Variants in ZNF675 observed in about 807,000 individuals in gnomAD.
ZNF675 encodes zinc finger protein 675, also known as TRAF6 inhibitory zinc finger.
ZNF675 carries 36 observed loss-of-function variants against 56.1 expected under a neutral mutation model. That is an observed-to-expected ratio of 0.64 (90% CI 0.49 to 0.85). The LOEUF (loss-of-function observed/expected upper bound fraction) is 0.85, where lower values mean the gene tolerates loss of function less well. ZNF675 is among the 40% of genes least tolerant of loss of function. ZNF675 has a pLI of 0.00. For missense variants in ZNF675, 663 were observed against 654.2 expected, an observed-to-expected ratio of 1.01 and a Z score of -0.15; for synonymous variants, 200 against 218.9, an observed-to-expected ratio of 0.91 and a Z score of 0.76.
chr19:23,677,990 CATGCCTGCAA>C (rs1315549138), intron 1 of ZNF675, among the ~76,000 whole-genome samples: 1 of 151,480 alleles, frequency 6.6e-6, no homozygotes, highest in East Asian at 1.9e-4. Context: ...GGTGGTGGTG[CATGCCTGCAA>C]TCCCAGCTAC....
chr19:23,656,279 A>C (rs1568288200), intron 3 of ZNF675: 2 of 152,224 alleles, frequency 1.3e-5, no homozygotes, highest in Non-Finnish European at 2.9e-5. Flanking sequence ...ATGCAACCAA[A>C]AGTGGTGAAC....
chr19:23,661,843 T>A (rs1218080234), intron 3 of ZNF675: 1 of 264,978 alleles, frequency 3.8e-6, no homozygotes, highest in East Asian at 7.4e-5. Flanking sequence ...AGGATTCAGA[T>A]TGCACAGTCT....
At chr19:23,668,784 A>C (rs1968189621) in intron 1 of ZNF675, among the ~76,000 whole-genome samples, 1 of 152,142 alleles carries the variant, frequency 6.6e-6, no homozygotes, top group Non-Finnish European at 1.5e-5. Flanking sequence ...TAAGTCCCTC[A>C]TTGCCCGGGG....
intron 1 of ZNF675, among the ~76,000 whole-genome samples, chr19:23,664,357 A>G (rs1051861486): frequency 6.6e-6 from 1 of 152,026 alleles, no homozygotes; most frequent in Non-Finnish European, 1.5e-5. Flanking sequence ...CAAGACTCAC[A>G]GAAAAAGTCC....
At chr19:23,685,265 GGTTA>G in intron 1 of ZNF675, among the ~76,000 whole-genome samples, 1 of 152,082 alleles carries the variant, frequency 6.6e-6, no homozygotes, top group East Asian at 1.9e-4. Flanking sequence ...TGCACGCAAG[GGTTA>G]GTTTTTCAAA....
chr19:23,679,515 A>G (rs930362347), intron 1 of ZNF675, among the ~76,000 whole-genome samples: 16 of 151,754 alleles, frequency 1.1e-4, no homozygotes, highest in Admixed American at 3.3e-4. Context: ...CAATTGCAAC[A>G]AATTGACAAA....
chr19:23,686,907 A>C, intron 1 of ZNF675, 124 bp downstream of exon 1: 3 of 1,207,278 alleles, frequency 2.5e-6, no homozygotes, highest in Admixed American at 1.7e-5. Context: ...GAGCTGGGGA[A>C]GGAGAACTCG....
rs917243013 is a variant in ZNF675, at chr19:23,671,885, C to G, written c.4-8727G>C. Among the ~76,000 whole-genome samples the G allele has an allele frequency of 1.2e-4, 18 of 152,066 alleles. 1 individual carries two copies. Among genetic ancestry groups the G allele is most frequent in the African/African-American group, 4.3e-4 (18 of 41,390 alleles). On this transcript the variant is annotated intron_variant, in intron 1 of 3. Transcript: ENST00000359788. Reference sequence around the variant, plus strand: ...GAGAAACTCTCATCTGAGTACCAACCAAAGACATCTCTTGCATGGGGGTAG... The same window carrying G: ...GAGAAACTCTCATCTGAGTACCAACGAAAGACATCTCTTGCATGGGGGTAG...
chr19:23,669,363 T>C (rs955913150), intron 1 of ZNF675, among the ~76,000 whole-genome samples: 6 of 152,192 alleles, frequency 3.9e-5, no homozygotes, highest in African/African-American at 1.4e-4. Flanking sequence ...TTTCTTATGC[T>C]AAATTCTTCC....
Position 23,653,878 on chromosome 19 carries a change from G to A in ZNF675, c.1055C>T (p.Ser352Phe). The change falls in exon 4 of 4, where the codon TCC (serine) becomes TTC (phenylalanine). Residue 352 changes from serine (S) to phenylalanine (F), a missense_variant. Transcript: ENST00000359788. ...GTTTTTATGTTCAGTAAGTTTTGAGGATCGGTTAAAAGCTTTTCCACATTC... is the reference window on the plus strand; with the variant it reads ...GTTTTTATGTTCAGTAAGTTTTGAGAATCGGTTAAAAGCTTTTCCACATTC... ...CEECGKAFNR[S>F]SKLTEHKNIH... 6.2e-7 allele frequency: 1 copy of A among 1,613,638 alleles called. No individual in the cohort carries two copies. The highest frequency in any genetic ancestry group is 2.2e-5 in the East Asian group (1 of 44,854).
chr19:23,679,635 C>A (rs997034044), intron 1 of ZNF675, among the ~76,000 whole-genome samples: 22 of 149,630 alleles, frequency 1.5e-4, no homozygotes, highest in Non-Finnish European at 2.8e-4. Flanking sequence ...GGTCTAATAT[C>A]CAGAATCCAT....
rs1968268961 is a variant in ZNF675 at position 23,674,409 on chromosome 19, G to T, written c.4-11251C>A. Reference sequence around the variant, plus strand: ...TGTAATCCCAGCACTTTGGGAGGCTGAGGCAGGCGGATCACCTGAGGTCAG... The same window carrying T: ...TGTAATCCCAGCACTTTGGGAGGCTTAGGCAGGCGGATCACCTGAGGTCAG... On this transcript the variant is annotated intron_variant, in intron 1 of 3. Transcript: ENST00000359788. 1.3e-5 allele frequency among the ~76,000 whole-genome samples: 2 copies of T among 151,418 alleles called. 1 individual carries two copies. Among genetic ancestry groups the T allele is most frequent in the African/African-American group, 4.9e-5 (2 of 40,856 alleles).
intron 1 of ZNF675, among the ~76,000 whole-genome samples, chr19:23,666,764 CTTTCTCTCTTTTTCTCTTTCTCTCTCTT>C (rs1968155752): frequency 9.9e-6 from 1 of 101,166 alleles, no homozygotes; most frequent in East Asian, 8.7e-4. Context: ...ACAGGGAAGT[CTTTCTCTCTTTTTCTCTTTCTCTCTCTT>C]TCTCTCTCTC....
At chr19:23,669,837 A>T (rs1409612063) in intron 1 of ZNF675, among the ~76,000 whole-genome samples, 1 of 144,122 alleles carries the variant, frequency 6.9e-6, no homozygotes, top group East Asian at 2.1e-4. Context: ...TGGACAACAG[A>T]GCAAGACTCT....
chr19:23,660,621 TC>T (rs1302907338), intron 3 of ZNF675, among the ~76,000 whole-genome samples: 3 of 152,124 alleles, frequency 2.0e-5, no homozygotes, highest in Admixed American at 6.6e-5. Context: ...ATAATAAATT[TC>T]TGAGAACAAA....
chr19:23,664,316 C>T (rs1248587806), intron 1 of ZNF675, among the ~76,000 whole-genome samples: 1 of 152,122 alleles, frequency 6.6e-6, no homozygotes, highest in Non-Finnish European at 1.5e-5. Flanking sequence ...ACATGTTTAC[C>T]TGGTACCACC....
chr19:23,669,264 G>T (rs1357188414), intron 1 of ZNF675, among the ~76,000 whole-genome samples: 1 of 152,176 alleles, frequency 6.6e-6, no homozygotes, highest in East Asian at 1.9e-4. Context: ...TCTGGTTATA[G>T]TCCCTTATCC....
At chr19:23,667,499 A>T (rs970626633) in intron 1 of ZNF675, among the ~76,000 whole-genome samples, 15 of 152,178 alleles carry the variant, frequency 9.9e-5, no homozygotes, top group Non-Finnish European at 1.9e-4. Flanking sequence ...TCCCTGAGCT[A>T]GACACAAAGG....
intron 1 of ZNF675, among the ~76,000 whole-genome samples, chr19:23,682,504 A>C (rs1474719844): frequency 6.6e-6 from 1 of 151,754 alleles, no homozygotes; most frequent in Non-Finnish European, 1.5e-5. Context: ...GCACTTTTTC[A>C]TTTTAACCTT....
Sources: allele counts gnomAD v4.1 joint callset (sites outside exome capture counted in the v4.1 genomes callset), GRCh38; gene constraint gnomAD v4.1.1; transcripts MANE v1.5; gene names NCBI Gene and HGNC (gene_info 2026-07-23, HGNC 2026-07-21).